Variants in FER1L6 observed in about 807,000 individuals in gnomAD.
FER1L6 encodes fer-1-like protein 6.
Under a neutral mutation model 219.2 loss-of-function variants are expected in FER1L6, and 177 were observed. That is an observed-to-expected ratio of 0.81 (90% CI 0.71 to 0.91). The LOEUF (loss-of-function observed/expected upper bound fraction) is 0.91, where lower values mean the gene tolerates loss of function less well. Among genes scored for constraint, FER1L6 ranks in the 40% least tolerant of loss-of-function variants. FER1L6 has a pLI of 0.00. For synonymous variants in FER1L6, 768 were observed against 824.3 expected, an observed-to-expected ratio of 0.93 and a Z score of 1.17; for missense variants, 2,153 against 2,259.9, an observed-to-expected ratio of 0.95 and a Z score of 0.96.
chr8:123,883,909 ATACT>A (rs1477559572), intron 1 of FER1L6, among the ~76,000 whole-genome samples: 3 of 152,244 alleles, frequency 2.0e-5, no homozygotes, highest in East Asian at 1.9e-4. Flanking sequence ...TCACGTTACA[ATACT>A]TACTTAATAC....
Position 124,032,190 on chromosome 8 carries a change from C to T in FER1L6, c.2287-3087C>T, listed in dbSNP as rs568610460. 1.8e-4 allele frequency among the ~76,000 whole-genome samples: 27 copies of T among 152,170 alleles called. 1 individual carries two copies. The highest frequency in any genetic ancestry group is 4.2e-4 in the South Asian group (2 of 4,816). On this transcript the variant is annotated intron_variant, in intron 18 of 40. Coordinates refer to ENST00000522917, the MANE Select transcript of FER1L6 (RefSeq NM_001039112.2). ...CTATAATCCCAGCACTTTGGGAGGC[C>T]GAGGCGGGTGGATCACCTGAGGTCA... is the stretch of plus-strand genomic sequence containing the variant.
intron 10 of FER1L6, among the ~76,000 whole-genome samples, chr8:123,979,356 A>G (rs1326671023): frequency 3.3e-5 from 5 of 152,224 alleles, no homozygotes; most frequent in Non-Finnish European, 7.3e-5. Flanking sequence ...GGCTCAGTGG[A>G]TTAGCTGGGG....
intron 1 of FER1L6, among the ~76,000 whole-genome samples, chr8:123,855,824 T>C (rs1246047324): frequency 6.8e-6 from 1 of 147,898 alleles, no homozygotes; most frequent in Non-Finnish European, 1.5e-5. Context: ...ATCAGCACAG[T>C]AGGGCTGGTC....
chr8:123,976,121 C>G, intron 9 of FER1L6, 37 bp downstream of exon 9: 1 of 1,461,222 alleles, frequency 6.8e-7, no homozygotes, highest in Non-Finnish European at 9.4e-7. Context: ...CCTGCTAGGC[C>G]AGGGCCCTGC....
intron 1 of FER1L6, among the ~76,000 whole-genome samples, chr8:123,869,775 C>G (rs999725723): frequency 6.6e-6 from 1 of 152,136 alleles, no homozygotes; most frequent in African/African-American, 2.4e-5. Context: ...CTCATTCTAC[C>G]TGATTTCAAG....
intron 12 of FER1L6, among the ~76,000 whole-genome samples, chr8:124,000,111 G>A (rs1298923396): frequency 1.3e-5 from 2 of 152,158 alleles, no homozygotes; most frequent in Non-Finnish European, 2.9e-5. Flanking sequence ...CTTGGGTGAC[G>A]GCTGAGTTCT....
intron 32 of FER1L6, among the ~76,000 whole-genome samples, chr8:124,080,516 C>T (rs1821494464): frequency 6.6e-6 from 1 of 152,140 alleles, no homozygotes; most frequent in Admixed American, 6.5e-5. Flanking sequence ...CAGGGTTTCA[C>T]CATGTTGGCC....
intron 6 of FER1L6, among the ~76,000 whole-genome samples, chr8:123,971,824 C>T (rs1446571873): frequency 1.3e-5 from 2 of 152,240 alleles, no homozygotes; most frequent in South Asian, 2.1e-4. Context: ...GTCTTCCCTT[C>T]TCAGTGGCCA....
intron 15 of FER1L6, chr8:124,014,292 A>G (rs925585825): frequency 7.9e-5 from 12 of 152,716 alleles, no homozygotes; most frequent in African/African-American, 2.9e-4. Context: ...CCTTAGGGAA[A>G]GATGAGGGAT....
intron 1 of FER1L6, among the ~76,000 whole-genome samples, chr8:123,886,467 T>G (rs1817205110): frequency 1.3e-5 from 2 of 152,296 alleles, no homozygotes; most frequent in East Asian, 1.9e-4. Flanking sequence ...CCCTTTGACC[T>G]ACTGACATGT....
At chr8:123,911,592 A>G (rs1213702008) in intron 1 of FER1L6, among the ~76,000 whole-genome samples, 3 of 152,188 alleles carry the variant, frequency 2.0e-5, no homozygotes, top group African/African-American at 7.2e-5. Context: ...TTCTGTGTCC[A>G]TCTTCCTGTT....
Position 124,018,738 on chromosome 8 carries a change from G to A in FER1L6, c.2013+1020G>A, listed in dbSNP as rs529883901. Among the ~76,000 whole-genome samples, 10 of 152,240 alleles carry A rather than the reference G, an allele frequency of 6.6e-5. No homozygotes were observed. The East Asian group carries it at 1.7e-3, about 26-fold the overall frequency. On this transcript the variant is annotated intron_variant, in intron 16 of 40. Coordinates refer to ENST00000522917, the MANE Select transcript of FER1L6 (RefSeq NM_001039112.2). ...CCAGCCTCCTAATGGGCATCTCCAT[G>A]CTTATCTCACATCACTCCAAACTCT...
At chr8:124,078,244 T>A (rs532468852) in intron 32 of FER1L6, among the ~76,000 whole-genome samples, 1 of 152,132 alleles carries the variant, frequency 6.6e-6, no homozygotes, top group Non-Finnish European at 1.5e-5. Flanking sequence ...CAGTCAGTTG[T>A]CAGTGGGATT....
intron 1 of FER1L6, among the ~76,000 whole-genome samples, chr8:123,927,263 G>GA (rs1197399343): frequency 6.6e-6 from 1 of 152,020 alleles, no homozygotes; most frequent in Non-Finnish European, 1.5e-5. Flanking sequence ...CTCATTTTGG[G>GA]AAAAAAACTA....
intron 30 of FER1L6, among the ~76,000 whole-genome samples, chr8:124,071,221 C>G (rs918398500): frequency 1.3e-5 from 2 of 152,132 alleles, no homozygotes; most frequent in Non-Finnish European, 2.9e-5. Context: ...AGCACCGCAC[C>G]CCACATGTAA....
At chr8:124,102,921 C>T (rs1357015681) in intron 38 of FER1L6, among the ~76,000 whole-genome samples, 1 of 152,174 alleles carries the variant, frequency 6.6e-6, no homozygotes, top group Non-Finnish European at 1.5e-5. Context: ...ACAAGCTCTT[C>T]CTTTGTCTTC....
At chr8:124,056,848 C>A (rs1474003596) in intron 22 of FER1L6, among the ~76,000 whole-genome samples, 1 of 152,124 alleles carries the variant, frequency 6.6e-6, no homozygotes, top group Non-Finnish European at 1.5e-5. Context: ...AGTTCGAGAC[C>A]AGACTGGTTA....
intron 32 of FER1L6, among the ~76,000 whole-genome samples, chr8:124,081,335 A>T (rs1563788498): frequency 6.6e-6 from 1 of 152,086 alleles, no homozygotes; most frequent in South Asian, 2.1e-4. Flanking sequence ...CATCACAGAA[A>T]ATCAGACAGC....
At chr8:124,053,968 C>T (rs1253407457) in intron 22 of FER1L6, among the ~76,000 whole-genome samples, 1 of 152,170 alleles carries the variant, frequency 6.6e-6, no homozygotes, top group African/African-American at 2.4e-5. Flanking sequence ...CCTCCCTATC[C>T]TGACTCATAG....
Sources: allele counts gnomAD v4.1 joint callset (sites outside exome capture counted in the v4.1 genomes callset), GRCh38; gene constraint gnomAD v4.1.1; transcripts MANE v1.5; gene names NCBI Gene and HGNC (gene_info 2026-07-23, HGNC 2026-07-21).